The following SLC9A3 variants were observed in gnomAD, a reference collection of about 807,000 sequenced individuals.
SLC9A3 encodes sodium/hydrogen exchanger 3.
Under a neutral mutation model 86.8 loss-of-function variants are expected in SLC9A3, and 37 were observed. The observed-to-expected ratio is 0.43, with a 90% confidence interval of 0.33 to 0.56. The LOEUF is 0.56. SLC9A3 is among the 20% of genes least tolerant of loss of function. SLC9A3 has a pLI of 0.06. For missense variants in SLC9A3, 1,011 were observed against 1,171.9 expected (o/e 0.86, Z 2.00); for synonymous variants, 581 against 528.3 (o/e 1.10, Z -1.37).
chr5:471,935 T>G lies in SLC9A3; in HGVS notation c.*1444A>C, dbSNP rs1471710081. On this transcript the variant is annotated 3_prime_UTR_variant, in exon 17 of 17. Transcript: ENST00000264938. ...AGTCAACATAAAACTCTTTAAGAAC[T>G]CCTCCTGACTGGTGACTGTCAACAC... 1 of 456,470 alleles carries G rather than the reference T, an allele frequency of 2.2e-6. No individual in the cohort carries two copies. Among genetic ancestry groups the G allele is most frequent in the Non-Finnish European group, 4.4e-6 (1 of 226,974 alleles). The allele number at this position is 456,470 out of a possible 1,614,324, so 28.3% of individuals were successfully genotyped here.
intron 1 of SLC9A3, among the ~76,000 whole-genome samples, chr5:502,823 G>A (rs146127735): frequency 0.021 from 2,435 of 117,302 alleles, 32 homozygotes; most frequent in Middle Eastern, 0.05. Context: ...CGACACAGAC[G>A]GGCGCCGAAA....
chr5:522,331 C>G (rs11955160), intron 1 of SLC9A3, among the ~76,000 whole-genome samples: 97 of 152,354 alleles, frequency 6.4e-4, no homozygotes, highest in African/African-American at 2.2e-3. Context: ...AGGCAAAGCC[C>G]TGGTCAGTGT....
chr5:502,501 G>A (rs59893065), intron 1 of SLC9A3, among the ~76,000 whole-genome samples: 4,814 of 152,308 alleles, frequency 0.032, 219 homozygotes, highest in African/African-American at 0.1. Flanking sequence ...GCAAGACACC[G>A]GTCGCAACGT....
intron 1 of SLC9A3, among the ~76,000 whole-genome samples, chr5:493,328 G>A (rs1212424798): frequency 2.0e-5 from 3 of 152,254 alleles, no homozygotes; most frequent in Admixed American, 6.5e-5. Flanking sequence ...ACAGAGCAGC[G>A]GGAGCGGGGA....
chr5:504,084 T>C lies in SLC9A3; in HGVS notation c.212-12013A>G, dbSNP rs111789942. On this transcript the variant is annotated intron_variant, in intron 1 of 16. Transcript: ENST00000264938. ...CTTCATCAATCACGGAAGTTTAGCA[T>C]TCCCCGTGTTTTTGCCTTTGGTTTA... Among the ~76,000 whole-genome samples, 521 of 152,006 alleles carry C rather than the reference T, an allele frequency of 3.4e-3. 7 individuals carry two copies. Among genetic ancestry groups the C allele is most frequent in the East Asian group, 0.013 (65 of 5,142 alleles).
At chr5:488,278 C>T (rs372911384) in intron 3 of SLC9A3, 38 bp downstream of exon 3, 43 of 1,606,418 alleles carry the variant, frequency 2.7e-5, no homozygotes, top group East Asian at 6.7e-5. Flanking sequence ...AGGCCTCCCA[C>T]GGCTCGCCCG....
At chr5:490,234 C>G (rs1444157678) in intron 2 of SLC9A3, among the ~76,000 whole-genome samples, 1 of 152,262 alleles carries the variant, frequency 6.6e-6, no homozygotes, top group African/African-American at 2.4e-5. Context: ...AGCGGCCTGC[C>G]CCAGGGGGCA....
At chr5:519,690 C>T (rs1489209312) in intron 1 of SLC9A3, among the ~76,000 whole-genome samples, 3 of 152,158 alleles carry the variant, frequency 2.0e-5, no homozygotes, top group African/African-American at 7.2e-5. Context: ...AGATTTGGGG[C>T]CGGGAGCAGG....
intron 1 of SLC9A3, among the ~76,000 whole-genome samples, chr5:513,375 C>T (rs1408651923): frequency 1.3e-5 from 2 of 152,116 alleles, no homozygotes; most frequent in Non-Finnish European, 1.5e-5. Context: ...GCCGCTGTGC[C>T]GGGACGCAGG....
At chr5:494,376 G>A (rs928883706) in intron 1 of SLC9A3, among the ~76,000 whole-genome samples, 6 of 152,264 alleles carry the variant, frequency 3.9e-5, no homozygotes, top group Admixed American at 1.3e-4. Flanking sequence ...GTGGCCTTCC[G>A]GGCCTGCGAG....
rs538482333 is a variant in SLC9A3, at chr5:475,779, C to T, written c.2141-108G>A. 3 of 737,422 alleles carry T rather than the reference C, an allele frequency of 4.1e-6. No individual in the cohort carries two copies. The African/African-American group carries it at 5.3e-5, about 13-fold the overall frequency. 45.7% of individuals were successfully genotyped at this position (737,422 alleles called of 1,614,324 possible). A position where few individuals can be genotyped will look rare whatever the true frequency, so the allele number is the denominator to read the frequency against. ...TGCACAGAGGTGCAGGCAGTCGGGA[C>T]CCACAGAGAGGAGGGCTAAACCGCA... On this transcript the variant is annotated intron_variant, in intron 14 of 16. Transcript: ENST00000264938.
chr5:473,671 C>T (rs1041413031), intron 16 of SLC9A3, among the ~76,000 whole-genome samples: 3 of 152,176 alleles, frequency 2.0e-5, no homozygotes, highest in Admixed American at 6.5e-5. Flanking sequence ...CCCTGCAGCG[C>T]GGGAGGTCAA....
At chr5:484,005 G>A (rs1327846834) in intron 5 of SLC9A3, among the ~76,000 whole-genome samples, 1 of 152,262 alleles carries the variant, frequency 6.6e-6, no homozygotes, top group Non-Finnish European at 1.5e-5. Context: ...TGGTGATGCA[G>A]AGCCCGGAGC....
chr5:489,880 C>T (rs1042206745), intron 2 of SLC9A3, among the ~76,000 whole-genome samples: 27 of 152,232 alleles, frequency 1.8e-4, no homozygotes, highest in African/African-American at 6.0e-4. Flanking sequence ...GCCACCAGAC[C>T]GCATGTTCCA....
chr5:488,076 C>T (rs916566418), intron 3 of SLC9A3, among the ~76,000 whole-genome samples: 3 of 152,248 alleles, frequency 2.0e-5, no homozygotes, highest in South Asian at 2.1e-4. Flanking sequence ...CCATCATTAA[C>T]CCTGAAGCTA....
chr5:483,090 G>A (rs1739292803), intron 6 of SLC9A3, among the ~76,000 whole-genome samples, 172 bp downstream of exon 6: 1 of 152,022 alleles, frequency 6.6e-6, no homozygotes, highest in Non-Finnish European at 1.5e-5. Flanking sequence ...GGTTTCCCTT[G>A]GGGTTCCAGA....
At chr5:486,809 G>A (rs1300236022) in intron 3 of SLC9A3, among the ~76,000 whole-genome samples, 3 of 152,168 alleles carry the variant, frequency 2.0e-5, no homozygotes, top group East Asian at 1.9e-4. Context: ...GGAAGGCACC[G>A]TCTGCAAGTC....
At chr5:485,262 G>T (rs1424441466) in intron 3 of SLC9A3, 31 bp from the exon 4 acceptor site, 1 of 1,593,998 alleles carries the variant, frequency 6.3e-7, no homozygotes, top group Non-Finnish European at 8.6e-7. Flanking sequence ...GCGTTGGGTG[G>T]TCCTTGGTTA....
In SLC9A3 at chr5:472,820, C is replaced by G; in HGVS notation, c.*559G>C. 1.8e-6 allele frequency: 1 copy of G among 557,258 alleles called. No individual in the cohort carries two copies. The highest frequency in any genetic ancestry group is 3.4e-6 in the Non-Finnish European group (1 of 294,402). 34.5% of individuals were successfully genotyped at this position (557,258 alleles called of 1,614,324 possible). The stretch of plus-strand genomic sequence containing the variant: ...CTGAGTCGGTCCCCGAGTCAGTCCC[C>G]GGGCGCGGGGCTCGGTTGGGGGGGC... On this transcript the variant is annotated 3_prime_UTR_variant, in exon 17 of 17. Transcript: ENST00000264938.
Sources: gnomAD v4.1 joint callset for allele counts (sites outside exome capture counted in the v4.1 genomes callset) on GRCh38, gnomAD v4.1.1 for gene constraint, MANE v1.5 for transcripts, NCBI Gene and HGNC (gene_info 2026-07-23, HGNC 2026-07-21) for gene names.